The following PDE3B variants were observed in gnomAD, a reference collection of about 807,000 sequenced individuals.
The protein encoded by PDE3B is cGMP-inhibited 3',5'-cyclic phosphodiesterase 3B.
In PDE3B, 66 loss-of-function variants were observed where a neutral mutation model predicts 116.8. That is an observed-to-expected ratio of 0.56 (90% confidence interval 0.46 to 0.69). The LOEUF (loss-of-function observed/expected upper bound fraction) is 0.69, where lower values mean the gene tolerates loss of function less well. Among genes scored for constraint, PDE3B ranks in the 30% least tolerant of loss-of-function variants. The pLI, the probability that PDE3B is intolerant of heterozygous loss-of-function variation, is 0.00. For missense variants in PDE3B, 1,384 were observed against 1,368.1 expected, an observed-to-expected ratio of 1.01 and a Z score of -0.18; for synonymous variants, 595 against 533.6, an observed-to-expected ratio of 1.12 and a Z score of -1.59.
chr11:14,811,162 C>G (rs1184817059), intron 5 of PDE3B, among the ~76,000 whole-genome samples: 1 of 151,914 alleles, frequency 6.6e-6, no homozygotes, highest in Non-Finnish European at 1.5e-5. Context: ...TGCAGAAGCT[C>G]TTGAGTTTAA....
At chr11:14,730,629 A>G (rs1452780721) in intron 1 of PDE3B, among the ~76,000 whole-genome samples, 1 of 152,234 alleles carries the variant, frequency 6.6e-6, no homozygotes. Context: ...AAGTTTCTGC[A>G]AAGTTGTGGT....
Position 14,644,148 on chromosome 11 carries a change from G to A in PDE3B, c.73G>A (p.Glu25Lys). 6.3e-7 allele frequency: 1 copy of A among 1,592,006 alleles called. No homozygotes were observed. Among genetic ancestry groups the A allele is most frequent in the South Asian group, 1.1e-5 (1 of 89,920 alleles). ...GCCGGATGGGGCCGGCTCGCCCCCC[G>A]AGAGTCTGAGGAACGGCTACGTGAA... The part of the protein sequence containing the change: ...QPPDGAGSPP[E>K]SLRNGYVKSC... The change falls in exon 1 of 16, where the codon GAG (glutamate) becomes AAG (lysine). Residue 25 changes from glutamate (E) to lysine (K), a missense_variant. By Grantham distance (56) the Glu-to-Lys change is moderately conservative. Coordinates refer to ENST00000282096, the MANE Select transcript of PDE3B (RefSeq NM_000922.4).
intron 1 of PDE3B, among the ~76,000 whole-genome samples, chr11:14,724,264 A>G (rs1856212886): frequency 1.3e-5 from 2 of 152,182 alleles, no homozygotes; most frequent in Non-Finnish European, 2.9e-5. Flanking sequence ...CTACTTGCCT[A>G]TCTGTGTGTA....
At chr11:14,813,467 T>C (rs1859217411) in intron 5 of PDE3B, among the ~76,000 whole-genome samples, 1 of 152,200 alleles carries the variant, frequency 6.6e-6, no homozygotes, top group Non-Finnish European at 1.5e-5. Context: ...GGCTCTTTTA[T>C]GTCTGCCTCT....
At position 14,786,742 on chromosome 11, in the gene PDE3B, T is replaced by C. The variant is rs1018756625; in HGVS notation, c.1278+57T>C. ...ATCAAATTTAATGATATTTTCAAAT[T>C]AACTGCTCCTTTAAATTCTATATAG... On this transcript the variant is annotated intron_variant, in intron 3 of 15. Transcript: ENST00000282096. The C allele has an allele frequency of 3.4e-5, 45 of 1,342,746 alleles. No individual in the cohort carries two copies. In the Middle Eastern group the frequency reaches 5.6e-4, roughly 17 times the overall value. 83.2% of individuals were successfully genotyped at this position (1,342,746 alleles called of 1,614,324 possible).
chr11:14,645,193 G>GGGGA (rs1853363581), intron 1 of PDE3B, 140 bp downstream of exon 1: 2 of 514,262 alleles, frequency 3.9e-6, no homozygotes, highest in African/African-American at 2.1e-5. Flanking sequence ...GGGGGGGGAG[G>GGGGA]AAATAATGTT....
chr11:14,745,723 A>AT (rs895081695), intron 1 of PDE3B, among the ~76,000 whole-genome samples: 2 of 150,608 alleles, frequency 1.3e-5, no homozygotes, highest in Non-Finnish European at 3.0e-5. Context: ...TCCCTTCACC[A>AT]TTTTTTTTCC....
At chr11:14,651,710 A>G (rs1028881359) in intron 1 of PDE3B, among the ~76,000 whole-genome samples, 3 of 152,148 alleles carry the variant, frequency 2.0e-5, no homozygotes, top group African/African-American at 7.2e-5. Context: ...ATTCAATCTC[A>G]TTTTTTATCC....
intron 1 of PDE3B, among the ~76,000 whole-genome samples, chr11:14,744,799 T>C (rs1856865657): frequency 6.6e-6 from 1 of 152,214 alleles, no homozygotes; most frequent in African/African-American, 2.4e-5. Context: ...TGAGAACTTT[T>C]GCATTAGGGA....
chr11:14,884,425 C>T, the PDE3B span, among the ~76,000 whole-genome samples: 4 of 150,818 alleles, frequency 2.7e-5, no homozygotes, highest in South Asian at 2.1e-4. Context: ...AGTAAACTAT[C>T]GCAAGAACAA....
intron 11 of PDE3B, among the ~76,000 whole-genome samples, chr11:14,836,160 G>A (rs1860046963): frequency 6.6e-6 from 1 of 152,056 alleles, no homozygotes; most frequent in Non-Finnish European, 1.5e-5. Flanking sequence ...CACCAGTCCT[G>A]TGCTTTTATT....
At chr11:14,739,464 A>G (rs1163959646) in intron 1 of PDE3B, among the ~76,000 whole-genome samples, 2 of 152,178 alleles carry the variant, frequency 1.3e-5, no homozygotes, top group South Asian at 2.1e-4. Flanking sequence ...GTATCCTGAG[A>G]CTTGCAGAAG....
chr11:14,696,221 A>G (rs1254525062), intron 1 of PDE3B, among the ~76,000 whole-genome samples: 3 of 152,234 alleles, frequency 2.0e-5, no homozygotes, highest in East Asian at 1.9e-4. Flanking sequence ...GTGAGATGGT[A>G]TCTCATTGTG....
intron 1 of PDE3B, among the ~76,000 whole-genome samples, chr11:14,714,072 A>T (rs928721239): frequency 9.9e-5 from 15 of 151,922 alleles, no homozygotes; most frequent in South Asian, 4.2e-4. Context: ...CTTTTTTTTT[A>T]AAAAATGACT....
chr11:14,643,922 C>G lies in PDE3B; in HGVS notation c.-154C>G, dbSNP rs1018601239. On this transcript the variant is annotated 5_prime_UTR_variant, in exon 1 of 16. Coordinates refer to ENST00000282096, the MANE Select transcript of PDE3B (RefSeq NM_000922.4). ...GGACTCCGCCGCTCCTCAGTCCGCG[C>G]GGTGGGGACCCCGGGCCGTGGCGGC... 3 of 1,155,656 alleles carry G rather than the reference C, an allele frequency of 2.6e-6. No individual in the cohort carries two copies. Among genetic ancestry groups the G allele is most frequent in the Non-Finnish European group, 3.4e-6 (3 of 882,984 alleles). 71.6% of individuals were successfully genotyped at this position (1,155,656 alleles called of 1,614,324 possible).
chr11:14,821,027 G>T (rs1859500929), intron 7 of PDE3B, among the ~76,000 whole-genome samples: 1 of 152,230 alleles, frequency 6.6e-6, no homozygotes, highest in Admixed American at 6.5e-5. Context: ...GGGTGGACTA[G>T]CCTCAACTGG....
At chr11:14,782,440 C>G (rs948076554) in intron 2 of PDE3B, among the ~76,000 whole-genome samples, 1 of 152,162 alleles carries the variant, frequency 6.6e-6, no homozygotes, top group Non-Finnish European at 1.5e-5. Flanking sequence ...GAACAGAGTC[C>G]TCAGAAATAG....
chr11:14,872,543 T>C (rs1249514097), downstream of PDE3B, among the ~76,000 whole-genome samples: 2 of 152,126 alleles, frequency 1.3e-5, no homozygotes, highest in Admixed American at 6.6e-5. Context: ...TTGTAAAACA[T>C]GACATGCCAC....
chr11:14,858,191 C>A (rs1847883936), intron 12 of PDE3B, among the ~76,000 whole-genome samples: 1 of 152,204 alleles, frequency 6.6e-6, no homozygotes, highest in African/African-American at 2.4e-5. Flanking sequence ...CCTTCTTTCT[C>A]ATTACACAGT....
Sources: allele counts gnomAD v4.1 joint callset (sites outside exome capture counted in the v4.1 genomes callset), GRCh38; gene constraint gnomAD v4.1.1; transcripts MANE v1.5; gene names NCBI Gene and HGNC (gene_info 2026-07-23, HGNC 2026-07-21).